The following FGGY variants were observed in gnomAD, a reference collection of about 807,000 sequenced individuals.
FGGY encodes FGGY carbohydrate kinase domain containing, also known as FGGY carbohydrate kinase domain-containing protein.
Under a neutral mutation model 71.3 loss-of-function variants are expected in FGGY, and 72 were observed. That is an observed-to-expected ratio of 1.01 (90% CI 0.84 to 1.23). The LOEUF (loss-of-function observed/expected upper bound fraction) is 1.23. FGGY is among the 50% of genes most tolerant of loss of function. The pLI, the probability that FGGY is intolerant of heterozygous loss-of-function variation, is 0.00. For synonymous variants in FGGY, 251 were observed against 250.3 expected, an observed-to-expected ratio of 1.00 and a Z score of -0.02; for missense variants, 668 against 682.3, an observed-to-expected ratio of 0.98 and a Z score of 0.23.
intron 10 of FGGY, among the ~76,000 whole-genome samples, chr1:59,628,985 C>T (rs1257746276): frequency 6.6e-6 from 1 of 151,978 alleles, no homozygotes; most frequent in African/African-American, 2.4e-5. Context: ...GATTAAGAGT[C>T]AGGCTGTAAT....
In FGGY at chr1:59,396,300, G is replaced by A. The variant is rs367864208; in HGVS notation, c.554+17463G>A. ...TCCTGATTTTTGTGACATTAATGTG[G>A]GGACTAAGCTCTAACCTCAGTGAAT... On this transcript the variant is annotated intron_variant, in intron 5 of 15. Transcript: ENST00000303721. Among the ~76,000 whole-genome samples, 359 of 152,244 alleles carry A rather than the reference G, an allele frequency of 2.4e-3. 1 individual carries two copies. Among genetic ancestry groups the A allele is most frequent in the African/African-American group, 8.0e-3 (331 of 41,562 alleles).
chr1:59,555,088 A>G lies in FGGY; in HGVS notation c.903+861A>G, dbSNP rs530107652. Among the ~76,000 whole-genome samples, 5 of 152,326 alleles carry G rather than the reference A, an allele frequency of 3.3e-5. No individual in the cohort carries two copies. In the South Asian group the frequency reaches 1.0e-3, roughly 32 times the overall value. On this transcript the variant is annotated intron_variant, in intron 8 of 15. Transcript: ENST00000303721. ...GAGCCTTTTTACCATCAGATATTCT[A>G]GTTCAGTTGATATAAATACATGTAC...
chr1:59,653,275 C>T (rs2097183812), intron 11 of FGGY, among the ~76,000 whole-genome samples: 1 of 152,260 alleles, frequency 6.6e-6, no homozygotes, highest in Admixed American at 6.5e-5. Context: ...CTGTGGTGGA[C>T]TCCACCCAGT....
intron 14 of FGGY, among the ~76,000 whole-genome samples, chr1:59,686,092 TA>T (rs1363400484): frequency 6.6e-6 from 1 of 152,210 alleles, no homozygotes; most frequent in African/African-American, 2.4e-5. Flanking sequence ...GCCCAGATCA[TA>T]ACATTGAAAC....
intron 4 of FGGY, among the ~76,000 whole-genome samples, chr1:59,365,038 T>C (rs1220616758): frequency 1.3e-5 from 2 of 152,184 alleles, no homozygotes; most frequent in African/African-American, 2.4e-5. Flanking sequence ...TGGGGGAAGA[T>C]AGCAGATTCT....
intron 7 of FGGY, among the ~76,000 whole-genome samples, chr1:59,539,590 T>A (rs2095407916): frequency 6.6e-6 from 1 of 152,196 alleles, no homozygotes; most frequent in African/African-American, 2.4e-5. Context: ...CTCCTTATAC[T>A]ATGCATACAA....
chr1:59,742,361 A>G (rs2098158041), intron 14 of FGGY, among the ~76,000 whole-genome samples: 1 of 152,204 alleles, frequency 6.6e-6, no homozygotes, highest in Non-Finnish European at 1.5e-5. Context: ...AGCCTTGGCA[A>G]CATTTTGCAA....
intron 5 of FGGY, among the ~76,000 whole-genome samples, chr1:59,415,816 G>A (rs912199653): frequency 6.6e-6 from 1 of 152,220 alleles, no homozygotes; most frequent in African/African-American, 2.4e-5. Flanking sequence ...GCTACTGGAA[G>A]TTCTCAAGCT....
At position 59,744,685 on chromosome 1, in the gene FGGY, A is replaced by G. The variant is rs2098180171; in HGVS notation, c.1513-13246A>G. On this transcript the variant is annotated intron_variant, in intron 14 of 15. Coordinates refer to ENST00000303721, the MANE Select transcript of FGGY (RefSeq NM_018291.5). ...GAGATCCTAAACTTGCTTTATACAG[A>G]TATCCTGGATCCTACCCCTGATTCA... Among the ~76,000 whole-genome samples, 7 of 152,250 alleles carry G rather than the reference A, an allele frequency of 4.6e-5. No individual in the cohort carries two copies. In the South Asian group the frequency reaches 1.4e-3, roughly 32 times the overall value.
intron 6 of FGGY, among the ~76,000 whole-genome samples, chr1:59,504,202 C>G (rs1269402982): frequency 1.4e-5 from 2 of 138,206 alleles, no homozygotes; most frequent in African/African-American, 2.6e-5. Context: ...GGAAGCTCTG[C>G]GCCCCTTCCC....
In FGGY at chr1:59,639,618, A is replaced by G. The variant is rs188444548; in HGVS notation, c.1221+1243A>G. On this transcript the variant is annotated intron_variant, in intron 11 of 15. Transcript: ENST00000303721. ...GAACACATTTCATATGGGTACAGAA[A>G]TAAGTGTCTTAATTAGAGACAAATA... 2.0e-5 allele frequency among the ~76,000 whole-genome samples: 3 copies of G among 151,672 alleles called. No individual in the cohort carries two copies. The East Asian group carries it at 5.8e-4, about 29-fold the overall frequency.
chr1:59,339,459 AATT>A (rs1161701026), intron 2 of FGGY, among the ~76,000 whole-genome samples: 1 of 151,468 alleles, frequency 6.6e-6, no homozygotes, highest in African/African-American at 2.4e-5. Flanking sequence ...AATTATTTTT[AATT>A]ATTATTATTA....
At chr1:59,682,565 G>A (rs1483008939) in intron 14 of FGGY, among the ~76,000 whole-genome samples, 2 of 152,198 alleles carry the variant, frequency 1.3e-5, no homozygotes, top group African/African-American at 2.4e-5. Context: ...CAGAACAGAG[G>A]GCTGTGTGGA....
chr1:59,369,504 C>T (rs1326114398), intron 4 of FGGY, among the ~76,000 whole-genome samples: 3 of 152,242 alleles, frequency 2.0e-5, no homozygotes, highest in Non-Finnish European at 2.9e-5. Context: ...AACAAAAAGA[C>T]AGCAGTAACC....
At chr1:59,463,495 A>T (rs1288917913) in intron 6 of FGGY, among the ~76,000 whole-genome samples, 2 of 152,232 alleles carry the variant, frequency 1.3e-5, no homozygotes, top group African/African-American at 4.8e-5. Context: ...TGACAGGATC[A>T]AATTCACACA....
chr1:59,375,313 C>T (rs950838090), intron 4 of FGGY, among the ~76,000 whole-genome samples: 2 of 151,290 alleles, frequency 1.3e-5, no homozygotes, highest in Non-Finnish European at 2.9e-5. Flanking sequence ...TGCATGGGAT[C>T]CTCACAGATG....
At chr1:59,610,636 A>C (rs1274988232) in intron 9 of FGGY, among the ~76,000 whole-genome samples, 2 of 152,216 alleles carry the variant, frequency 1.3e-5, no homozygotes, top group Non-Finnish European at 2.9e-5. Context: ...TACTGGGTTC[A>C]TCTCACTGGG....
intron 6 of FGGY, among the ~76,000 whole-genome samples, chr1:59,480,292 C>G (rs1470501694): frequency 2.0e-5 from 3 of 152,174 alleles, no homozygotes; most frequent in Non-Finnish European, 4.4e-5. Context: ...TTTCATTGAT[C>G]TCTGACCTCA....
intron 8 of FGGY, among the ~76,000 whole-genome samples, chr1:59,605,684 C>T (rs1486799111): frequency 6.6e-6 from 1 of 152,024 alleles, no homozygotes; most frequent in South Asian, 2.1e-4. Flanking sequence ...TGCCTTCCTT[C>T]CCCCCCTTCC....
Sources: gnomAD v4.1 joint callset for allele counts (sites outside exome capture counted in the v4.1 genomes callset) on GRCh38, gnomAD v4.1.1 for gene constraint, MANE v1.5 for transcripts, NCBI Gene and HGNC (gene_info 2026-07-23, HGNC 2026-07-21) for gene names.